Variants in PDGFD observed in about 807,000 individuals in gnomAD.
The protein encoded by PDGFD is platelet derived growth factor D.
A neutral mutation model predicts 44.7 loss-of-function variants in PDGFD; 30 were observed. That is an observed-to-expected ratio of 0.67 (90% CI 0.50 to 0.91). The LOEUF (loss-of-function observed/expected upper bound fraction) is 0.91. Among genes scored for constraint, PDGFD ranks in the 40% least tolerant of loss-of-function variants. PDGFD has a pLI of 0.00. For missense variants in PDGFD, 445 were observed against 457.8 expected (o/e 0.97, Z 0.25); for synonymous variants, 173 against 168.4 (o/e 1.03, Z -0.21).
At chr11:104,036,814 G>T (rs938036781) in intron 1 of PDGFD, 2 of 1,608,116 alleles carry the variant, frequency 1.2e-6, no homozygotes, top group Non-Finnish European at 1.7e-6. Flanking sequence ...GCCCGCCCGG[G>T]CCCCCGCCAT....
intron 1 of PDGFD, among the ~76,000 whole-genome samples, chr11:104,155,058 T>G (rs2119917429): frequency 6.6e-6 from 1 of 152,324 alleles, no homozygotes; most frequent in South Asian, 2.1e-4. Flanking sequence ...AAAGCGCCAA[T>G]AAAATCCCTG....
chr11:104,082,569 C>G (rs1269894793), intron 1 of PDGFD, among the ~76,000 whole-genome samples: 1 of 152,056 alleles, frequency 6.6e-6, no homozygotes, highest in East Asian at 1.9e-4. Context: ...CTTCAAAAGA[C>G]TAAGGCTTAG....
intron 3 of PDGFD, among the ~76,000 whole-genome samples, chr11:103,995,860 T>C (rs1859526836): frequency 6.6e-6 from 1 of 152,192 alleles, no homozygotes; most frequent in Admixed American, 6.5e-5. Flanking sequence ...TCAAAATGCA[T>C]GGCACAAAGG....
chr11:103,969,284 T>A (rs780812451), intron 3 of PDGFD, among the ~76,000 whole-genome samples: 3 of 152,202 alleles, frequency 2.0e-5, no homozygotes, highest in Non-Finnish European at 4.4e-5. Context: ...TACCATATTT[T>A]CAGGTGGTGA....
At chr11:104,139,309 C>T (rs1181871855) in intron 1 of PDGFD, among the ~76,000 whole-genome samples, 1 of 152,108 alleles carries the variant, frequency 6.6e-6, no homozygotes, top group African/African-American at 2.4e-5. Flanking sequence ...CTGAGAGCTT[C>T]CTCAGAGCAT....
chr11:104,151,614 A>C (rs1227068154), intron 1 of PDGFD, among the ~76,000 whole-genome samples: 1 of 152,156 alleles, frequency 6.6e-6, no homozygotes, highest in Non-Finnish European at 1.5e-5. Context: ...CGCACATCAC[A>C]CATTAAAAAA....
At chr11:104,094,278 T>G (rs962804738) in intron 1 of PDGFD, among the ~76,000 whole-genome samples, 7 of 151,922 alleles carry the variant, frequency 4.6e-5, no homozygotes, top group Non-Finnish European at 4.4e-5. Flanking sequence ...TGCTGGCCCT[T>G]CCTCCTCTAA....
At chr11:103,925,118 T>C (rs547235394) in intron 6 of PDGFD, among the ~76,000 whole-genome samples, 2 of 152,254 alleles carry the variant, frequency 1.3e-5, no homozygotes, top group African/African-American at 2.4e-5. Context: ...TCCGTGTCTC[T>C]GCAAAGGACG....
At chr11:103,921,980 A>G (rs1858231330) in intron 6 of PDGFD, among the ~76,000 whole-genome samples, 1 of 151,816 alleles carries the variant, frequency 6.6e-6, no homozygotes, top group South Asian at 2.1e-4. Flanking sequence ...CATTGCAAAT[A>G]TAGGTTATTC....
chr11:104,002,967 T>A (rs1859642692), intron 1 of PDGFD, among the ~76,000 whole-genome samples: 1 of 152,216 alleles, frequency 6.6e-6, no homozygotes, highest in Non-Finnish European at 1.5e-5. Context: ...TTTGTATAAG[T>A]GAATTGAGCA....
At chr11:104,075,595 G>A (rs1045536917) in intron 1 of PDGFD, among the ~76,000 whole-genome samples, 1 of 143,316 alleles carries the variant, frequency 7.0e-6, no homozygotes, top group Admixed American at 7.0e-5. Flanking sequence ...CTGGGATCAA[G>A]CAATCCTCCT....
intron 1 of PDGFD, chr11:104,037,501 A>G: frequency 6.2e-7 from 1 of 1,614,162 alleles, no homozygotes; most frequent in Non-Finnish European, 8.5e-7. Flanking sequence ...TGAAGAAAAC[A>G]TGAATATAGC....
At chr11:103,992,390 T>C (rs546919628) in intron 3 of PDGFD, among the ~76,000 whole-genome samples, 1 of 152,310 alleles carries the variant, frequency 6.6e-6, no homozygotes, top group Admixed American at 6.5e-5. Context: ...TGGTAAAAGG[T>C]AGAATTATTG....
intron 3 of PDGFD, among the ~76,000 whole-genome samples, chr11:103,974,536 G>A (rs191909496): frequency 8.5e-5 from 13 of 152,144 alleles, no homozygotes; most frequent in South Asian, 6.2e-4. Context: ...AGGTATACAC[G>A]TGCCATGGTG....
chr11:104,148,872 T>C lies in PDGFD; in HGVS notation c.124+14932A>G, dbSNP rs531595809. Among the ~76,000 whole-genome samples, 7 of 152,296 alleles carry C rather than the reference T, an allele frequency of 4.6e-5. No individual in the cohort carries two copies. The South Asian group carries it at 1.4e-3, about 32-fold the overall frequency. ...TGGTTTTCTGTTTCTGTTAGTTTGCTAAGGATAATGGCCTCCAGCTTTACC... is the reference window on the plus strand; with the variant it reads ...TGGTTTTCTGTTTCTGTTAGTTTGCCAAGGATAATGGCCTCCAGCTTTACC... On this transcript the variant is annotated intron_variant, in intron 1 of 6. Coordinates refer to ENST00000393158, the MANE Select transcript of PDGFD (RefSeq NM_025208.5).
chr11:104,154,623 A>T (rs1862282499), intron 1 of PDGFD, among the ~76,000 whole-genome samples: 1 of 152,212 alleles, frequency 6.6e-6, no homozygotes, highest in South Asian at 2.1e-4. Flanking sequence ...GTGCAAAGAA[A>T]CTAGAACATA....
chr11:104,032,682 A>G (rs1245956765), intron 1 of PDGFD, among the ~76,000 whole-genome samples: 1 of 150,940 alleles, frequency 6.6e-6, no homozygotes, highest in Non-Finnish European at 1.5e-5. Context: ...TTTTAGAAAG[A>G]GGCAAATTAC....
intron 5 of PDGFD, among the ~76,000 whole-genome samples, chr11:103,937,033 C>G (rs1445594140): frequency 2.0e-5 from 3 of 151,892 alleles, no homozygotes; most frequent in African/African-American, 7.3e-5. Context: ...ACCATGTTGC[C>G]CAGGCTGGTC....
chr11:104,106,286 T>C (rs1861470877), intron 1 of PDGFD, among the ~76,000 whole-genome samples: 1 of 152,154 alleles, frequency 6.6e-6, no homozygotes, highest in Non-Finnish European at 1.5e-5. Context: ...CACTAATTGA[T>C]AGCATATGTT....
Sources: allele counts gnomAD v4.1 joint callset (sites outside exome capture counted in the v4.1 genomes callset), GRCh38; gene constraint gnomAD v4.1.1; transcripts MANE v1.5; gene names NCBI Gene and HGNC (gene_info 2026-07-23, HGNC 2026-07-21).